Variants in PTCHD4 observed in about 807,000 individuals in gnomAD.
The protein encoded by PTCHD4 is patched domain containing 4, also known as patched domain-containing protein 4.
Under a neutral mutation model 58.1 loss-of-function variants are expected in PTCHD4, and 33 were observed. The ratio of observed to expected loss-of-function variants is 0.57; its 90% confidence interval spans 0.43 to 0.76. The LOEUF (loss-of-function observed/expected upper bound fraction) is 0.76. Ranked by LOEUF, PTCHD4 falls within the 30% of genes least tolerant of loss-of-function variation. The pLI is 0.00. For synonymous variants in PTCHD4, 478 were observed against 409.6 expected, an observed-to-expected ratio of 1.17 and a Z score of -2.02; for missense variants, 1,058 against 1,027.1, an observed-to-expected ratio of 1.03 and a Z score of -0.41.
At chr6:48,107,169 C>A (rs1765748429) in intron 1 of PTCHD4, among the ~76,000 whole-genome samples, 1 of 152,108 alleles carries the variant, frequency 6.6e-6, no homozygotes, top group Non-Finnish European at 1.5e-5. Flanking sequence ...AAGAACAAAG[C>A]TGGAGGCATC....
At position 47,905,046 on chromosome 6, in the gene PTCHD4, C is replaced by CACACACACACACAA. The variant is rs1418246500; in HGVS notation, c.899-25111_899-25110insTTGTGTGTGTGTGT. ...AACTAGGAAGAAAATACAGCCATCA[C>CACACACACACACAA]ACACACACACACACACACACACACA... is the stretch of plus-strand genomic sequence containing the variant. On this transcript the variant is annotated intron_variant, in intron 4 of 4. Transcript: ENST00000339488. Among the ~76,000 whole-genome samples the CACACACACACACAA allele has an allele frequency of 1.2e-3, 88 of 75,556 alleles. 4 individuals carry two copies. The South Asian group carries it at 0.029, about 25-fold the overall frequency. The allele number at this position is 75,556 out of a possible 152,430, so 49.6% of individuals were successfully genotyped here. A position where few individuals can be genotyped will look rare whatever the true frequency, so the allele number is the denominator to read the frequency against.
intron 1 of PTCHD4, among the ~76,000 whole-genome samples, chr6:48,103,589 A>G (rs150635916): frequency 0.15 from 23,488 of 152,204 alleles, 1,863 homozygotes; most frequent in African/African-American, 0.2. Context: ...AATGGAACAA[A>G]GCTGGATGGA....
At chr6:47,895,855 AATCATCTC>A (rs1228606973) in intron 4 of PTCHD4, among the ~76,000 whole-genome samples, 1 of 152,098 alleles carries the variant, frequency 6.6e-6, no homozygotes, top group Admixed American at 6.6e-5. Context: ...ACTCCAGGTC[AATCATCTC>A]ATTACTTTAA....
At chr6:47,881,725 A>G (rs1764025967) in intron 4 of PTCHD4, among the ~76,000 whole-genome samples, 1 of 152,158 alleles carries the variant, frequency 6.6e-6, no homozygotes, top group Admixed American at 6.6e-5. Context: ...CAAATATTTG[A>G]TTTTTAAAGA....
Position 48,008,871 on chromosome 6 carries a change from T to A in PTCHD4, c.661A>T (p.Arg221Trp), listed in dbSNP as rs746895783. 1 of 1,613,864 alleles carries A rather than the reference T, an allele frequency of 6.2e-7. No homozygotes were observed. Among genetic ancestry groups the A allele is most frequent in the African/African-American group, 1.3e-5 (1 of 74,942 alleles). The stretch of plus-strand genomic sequence containing the variant: ...AGGATGCTGGTCTTATGAAAGTCCC[T>A]CCAGAGGCTAAAGGATGCTAAAGAG... Reference protein sequence around the residue: ...LYSLASFSLWRDFHKTSILAR... With the variant: ...LYSLASFSLWWDFHKTSILAR... The change falls in exon 4 of 5, where the codon AGG becomes TGG. Residue 221 changes from arginine (R) to tryptophan (W), a missense_variant. Coordinates refer to ENST00000339488, the MANE Select transcript of PTCHD4 (RefSeq NM_001384253.1).
At chr6:47,908,318 A>G (rs1479445630) in intron 4 of PTCHD4, among the ~76,000 whole-genome samples, 1 of 152,148 alleles carries the variant, frequency 6.6e-6, no homozygotes, top group Non-Finnish European at 1.5e-5. Context: ...ATGGCCATCA[A>G]TCAATTCTCA....
chr6:48,094,925 C>A (rs537314971), intron 1 of PTCHD4, among the ~76,000 whole-genome samples: 4 of 152,048 alleles, frequency 2.6e-5, no homozygotes, highest in Non-Finnish European at 5.9e-5. Context: ...CTGTATGATT[C>A]TACTTATGTA....
chr6:48,019,475 G>T (rs539376087), intron 3 of PTCHD4, among the ~76,000 whole-genome samples: 68 of 152,246 alleles, frequency 4.5e-4, no homozygotes, highest in African/African-American at 1.5e-3. Context: ...TGTGGCTCAC[G>T]CCTGTAATCC....
Position 47,870,537 on chromosome 6 carries a change from A to T in PTCHD4, c.*7766T>A, listed in dbSNP as rs1441375018. On this transcript the variant is annotated 3_prime_UTR_variant, in exon 5 of 5. Transcript: ENST00000339488. ...AATGTTTTTTCACTGATCAACATAG[A>T]GGTAAATTTTGATAATGGACCAAAT... Among the ~76,000 whole-genome samples, 4 of 151,664 alleles carry T rather than the reference A, an allele frequency of 2.6e-5. No homozygotes were observed. The highest frequency in any genetic ancestry group is 6.6e-5 in the Admixed American group (1 of 15,190).
intron 4 of PTCHD4, among the ~76,000 whole-genome samples, chr6:48,004,052 A>G (rs1041207956): frequency 4.6e-5 from 7 of 152,130 alleles, no homozygotes; most frequent in Non-Finnish European, 1.0e-4. Context: ...TTCTCTATTT[A>G]GTTGTCCTAT....
chr6:47,970,603 C>T (rs1418934805), intron 4 of PTCHD4, among the ~76,000 whole-genome samples: 3 of 152,036 alleles, frequency 2.0e-5, no homozygotes, highest in Non-Finnish European at 4.4e-5. Flanking sequence ...TTGCAGGACA[C>T]GGAGTACAGT....
rs115250669 is a variant in PTCHD4, at chr6:48,038,019, A to G, written c.418-28905T>C. 4.1e-3 allele frequency among the ~76,000 whole-genome samples: 625 copies of G among 152,160 alleles called. 4 individuals are homozygous for G. Among genetic ancestry groups the G allele is most frequent in the Non-Finnish European group, 4.8e-3 (329 of 67,984 alleles). The stretch of plus-strand genomic sequence containing the variant: ...AGAAATAAGCCCACTGTTCTGGCCT[A>G]GTAATGTCACTCTCGGTGGCTGACC... On this transcript the variant is annotated intron_variant, in intron 3 of 4. Transcript: ENST00000339488.
Position 47,875,994 on chromosome 6 carries a change from A to T in PTCHD4, c.*2309T>A, listed in dbSNP as rs1429245444. ...ATTATCTCCCATATTTTGATATGGG[A>T]GATAAAAATCTTCCATATCAAATCT... On this transcript the variant is annotated 3_prime_UTR_variant, in exon 5 of 5. Transcript: ENST00000339488. Among the ~76,000 whole-genome samples, 1 of 151,774 alleles carries T rather than the reference A, an allele frequency of 6.6e-6. No individual in the cohort carries two copies. The highest frequency in any genetic ancestry group is 1.5e-5 in the Non-Finnish European group (1 of 67,852).
At chr6:48,001,802 T>C (rs1293439005) in intron 4 of PTCHD4, among the ~76,000 whole-genome samples, 1 of 152,166 alleles carries the variant, frequency 6.6e-6, no homozygotes, top group Non-Finnish European at 1.5e-5. Flanking sequence ...CAAAAGAAAC[T>C]ACCATTAGCG....
intron 1 of PTCHD4, among the ~76,000 whole-genome samples, chr6:48,078,418 T>G (rs1388947983): frequency 6.6e-6 from 1 of 152,238 alleles, no homozygotes; most frequent in Non-Finnish European, 1.5e-5. Flanking sequence ...GACTGAAGAT[T>G]AAATACTGCC....
intron 4 of PTCHD4, among the ~76,000 whole-genome samples, chr6:47,887,933 A>G (rs1458842604): frequency 2.0e-5 from 3 of 152,216 alleles, no homozygotes; most frequent in Non-Finnish European, 2.9e-5. Flanking sequence ...AGGGACATGT[A>G]TGATGGTTTT....
chr6:47,927,532 T>C (rs1477570073), intron 4 of PTCHD4, among the ~76,000 whole-genome samples: 1 of 152,094 alleles, frequency 6.6e-6, no homozygotes, highest in East Asian at 1.9e-4. Context: ...TGATACAAGA[T>C]GTGATGAAGG....
At chr6:48,104,082 A>G (rs1246224574) in intron 1 of PTCHD4, among the ~76,000 whole-genome samples, 1 of 152,192 alleles carries the variant, frequency 6.6e-6, no homozygotes, top group Non-Finnish European at 1.5e-5. Context: ...CAACATTCAA[A>G]TTCGGGAAAT....
At chr6:47,887,000 T>C (rs1039527787) in intron 4 of PTCHD4, among the ~76,000 whole-genome samples, 1 of 152,210 alleles carries the variant, frequency 6.6e-6, no homozygotes, top group Non-Finnish European at 1.5e-5. Context: ...CAGAAACTCT[T>C]CACTGGCCAG....
Sources: gnomAD v4.1 joint callset for allele counts (sites outside exome capture counted in the v4.1 genomes callset) on GRCh38, gnomAD v4.1.1 for gene constraint, MANE v1.5 for transcripts, NCBI Gene and HGNC (gene_info 2026-07-23, HGNC 2026-07-21) for gene names.